Variants in CACNB2 observed in about 807,000 individuals in gnomAD.
The protein encoded by CACNB2 is voltage-dependent L-type calcium channel subunit beta-2.
In CACNB2, 42 loss-of-function variants were observed where a neutral mutation model predicts 73.3. The observed-to-expected ratio is 0.57, with a 90% confidence interval of 0.45 to 0.74. The LOEUF (loss-of-function observed/expected upper bound fraction) is 0.74. CACNB2 is among the 30% of genes least tolerant of loss of function. CACNB2 has a pLI of 0.00. For missense variants in CACNB2, 940 were observed against 853.0 expected (o/e 1.10, Z -1.27); for synonymous variants, 348 against 310.3 (o/e 1.12, Z -1.28).
At chr10:18,401,850 C>A in intron 2 of CACNB2, 74 bp from the exon 3 acceptor site, 1 of 1,446,960 alleles carries the variant, frequency 6.9e-7, no homozygotes, top group Non-Finnish European at 9.7e-7. Flanking sequence ...AAGCTAACTG[C>A]TGTGTCGATG....
At chr10:18,291,659 T>C (rs1454711930) in intron 2 of CACNB2, among the ~76,000 whole-genome samples, 2 of 152,214 alleles carry the variant, frequency 1.3e-5, no homozygotes, top group African/African-American at 2.4e-5. Flanking sequence ...TTTGGAAATA[T>C]ACTCCATTGG....
At chr10:18,296,863 TG>T (rs1490297682) in intron 2 of CACNB2, among the ~76,000 whole-genome samples, 3 of 152,232 alleles carry the variant, frequency 2.0e-5, no homozygotes, top group Non-Finnish European at 4.4e-5. Flanking sequence ...AGGCAGATTC[TG>T]AGTTTAAATC....
chr10:18,143,349 G>A (rs1466367109), intron 1 of CACNB2, among the ~76,000 whole-genome samples: 1 of 152,214 alleles, frequency 6.6e-6, no homozygotes, highest in Non-Finnish European at 1.5e-5. Flanking sequence ...AAGCGAAAAA[G>A]AGATGAAAAG....
chr10:18,275,412 T>G (rs2038239046), intron 2 of CACNB2, among the ~76,000 whole-genome samples: 1 of 152,148 alleles, frequency 6.6e-6, no homozygotes, highest in South Asian at 2.1e-4. Flanking sequence ...CACACGTGGT[T>G]TTGAATATCA....
intron 2 of CACNB2, among the ~76,000 whole-genome samples, chr10:18,391,572 A>G (rs888047199): frequency 6.6e-6 from 1 of 152,154 alleles, no homozygotes; most frequent in African/African-American, 2.4e-5. Context: ...TGGGTGTTAT[A>G]TCCTAATCAA....
intron 2 of CACNB2, among the ~76,000 whole-genome samples, chr10:18,359,349 G>T (rs1015514133): frequency 1.3e-5 from 2 of 152,140 alleles, no homozygotes; most frequent in Admixed American, 6.5e-5. Context: ...TCGGCTCACT[G>T]CAACCTCTGC....
chr10:18,523,973 G>C (rs2052184806), intron 9 of CACNB2, among the ~76,000 whole-genome samples: 1 of 152,198 alleles, frequency 6.6e-6, no homozygotes, highest in African/African-American at 2.4e-5. Context: ...CTAGGGGGTT[G>C]TCAGAATCAC....
intron 2 of CACNB2, among the ~76,000 whole-genome samples, chr10:18,314,537 T>A (rs1389532305): frequency 6.6e-6 from 1 of 151,962 alleles, no homozygotes; most frequent in Non-Finnish European, 1.5e-5. Context: ...GGAAACATAT[T>A]CAGACAATTG....
At chr10:18,474,594 T>C (rs1034491721) in intron 3 of CACNB2, among the ~76,000 whole-genome samples, 4 of 152,184 alleles carry the variant, frequency 2.6e-5, no homozygotes, top group African/African-American at 7.2e-5. Context: ...GCACGGCTCC[T>C]GACCTGGATG....
At chr10:18,235,175 G>A (rs2036391117) in intron 2 of CACNB2, among the ~76,000 whole-genome samples, 1 of 151,258 alleles carries the variant, frequency 6.6e-6, no homozygotes, top group Non-Finnish European at 1.5e-5. Flanking sequence ...AAAAGGAGCT[G>A]GGCGCAGTGG....
intron 3 of CACNB2, among the ~76,000 whole-genome samples, chr10:18,486,578 C>T (rs908685752): frequency 6.6e-6 from 1 of 152,158 alleles, no homozygotes; most frequent in Non-Finnish European, 1.5e-5. Flanking sequence ...GCAAGTCTTG[C>T]GGCCAAAAAG....
intron 6 of CACNB2, among the ~76,000 whole-genome samples, chr10:18,506,923 C>T (rs1480793825): frequency 6.6e-6 from 1 of 152,174 alleles, no homozygotes; most frequent in Non-Finnish European, 1.5e-5. Flanking sequence ...CTCCGCTTCC[C>T]AAGTAGCTGG....
At chr10:18,274,079 C>T (rs1056625761) in intron 2 of CACNB2, among the ~76,000 whole-genome samples, 3 of 152,112 alleles carry the variant, frequency 2.0e-5, no homozygotes, top group African/African-American at 7.2e-5. Flanking sequence ...ACTTTGACAT[C>T]ATTATGGATG....
intron 2 of CACNB2, among the ~76,000 whole-genome samples, chr10:18,364,186 T>A (rs1003737582): frequency 6.6e-6 from 1 of 152,018 alleles, no homozygotes; most frequent in Non-Finnish European, 1.5e-5. Flanking sequence ...CCTCAGGTGA[T>A]CAGGTGATCC....
At chr10:18,409,671 G>A (rs1464309105) in intron 3 of CACNB2, among the ~76,000 whole-genome samples, 1 of 152,176 alleles carries the variant, frequency 6.6e-6, no homozygotes, top group Admixed American at 6.5e-5. Context: ...AAAGCTTCTT[G>A]ACAGGTCATC....
At chr10:18,265,089 C>T (rs1647327048) in intron 2 of CACNB2, among the ~76,000 whole-genome samples, 1 of 151,836 alleles carries the variant, frequency 6.6e-6, no homozygotes, top group Non-Finnish European at 1.5e-5. Context: ...CTGTGCATTT[C>T]CCTGATAACT....
intron 2 of CACNB2, among the ~76,000 whole-genome samples, chr10:18,317,672 T>C (rs2040244155): frequency 1.3e-5 from 2 of 152,212 alleles, no homozygotes; most frequent in Non-Finnish European, 2.9e-5. Flanking sequence ...ATCTTGGCTA[T>C]TGTGAACAGT....
rs374449462 is a variant in CACNB2 at position 18,288,753 on chromosome 10, T to A, written c.214-113171T>A. ...TCAAGGCACTCTTTTATTTAAAAAA[T>A]CCTTTTCTCTGCCAGGCGCGGTGCC... On this transcript the variant is annotated intron_variant, in intron 2 of 13. Coordinates refer to ENST00000324631, the MANE Select transcript of CACNB2 (RefSeq NM_201596.3). Among the ~76,000 whole-genome samples, 17 of 151,298 alleles carry A rather than the reference T, an allele frequency of 1.1e-4. No homozygotes were observed. The East Asian group carries it at 3.1e-3, about 28-fold the overall frequency.
chr10:18,382,102 C>A (rs1189978857), intron 2 of CACNB2, among the ~76,000 whole-genome samples: 1 of 151,962 alleles, frequency 6.6e-6, no homozygotes, highest in East Asian at 1.9e-4. Context: ...CTCTGATGTT[C>A]ATGTGTGTTT....
Sources: gnomAD v4.1 joint callset for allele counts (sites outside exome capture counted in the v4.1 genomes callset) on GRCh38, gnomAD v4.1.1 for gene constraint, MANE v1.5 for transcripts, NCBI Gene and HGNC (gene_info 2026-07-23, HGNC 2026-07-21) for gene names.